GPC6: variants seen among roughly 807,000 people sequenced by gnomAD.
GPC6 encodes the protein glypican-6.
GPC6 carries 14 observed loss-of-function variants against 55.2 expected under a neutral mutation model. The ratio of observed to expected loss-of-function variants is 0.25; its 90% confidence interval spans 0.17 to 0.40. GPC6 has a LOEUF of 0.40. GPC6 is among the 10% of genes least tolerant of loss of function. The pLI is 1.00. For synonymous variants in GPC6, 278 were observed against 259.6 expected, an observed-to-expected ratio of 1.07 and a Z score of -0.68; for missense variants, 641 against 708.5, an observed-to-expected ratio of 0.90 and a Z score of 1.08.
At chr13:93,440,959 C>T (rs1263451776) in intron 1 of GPC6, among the ~76,000 whole-genome samples, 1 of 151,882 alleles carries the variant, frequency 6.6e-6, no homozygotes, top group Non-Finnish European at 1.5e-5. Flanking sequence ...GTTTTTTGTC[C>T]TTGTGATAGT....
chr13:93,670,346 G>A (rs1566478294), intron 2 of GPC6, among the ~76,000 whole-genome samples: 2 of 152,166 alleles, frequency 1.3e-5, no homozygotes, highest in Non-Finnish European at 2.9e-5. Context: ...AGTTAGCTTG[G>A]CACAGGTTCT....
intron 1 of GPC6, among the ~76,000 whole-genome samples, chr13:93,443,656 G>A (rs1460496105): frequency 6.6e-6 from 1 of 152,184 alleles, no homozygotes; most frequent in African/African-American, 2.4e-5. Flanking sequence ...GATTGTAAAA[G>A]ATCAAGGATA....
intron 1 of GPC6, among the ~76,000 whole-genome samples, chr13:93,508,120 A>G (rs1458933793): frequency 6.6e-6 from 1 of 152,234 alleles, no homozygotes; most frequent in Non-Finnish European, 1.5e-5. Context: ...AAATATTATA[A>G]GGAAAACTAA....
chr13:93,390,871 A>T (rs957516638), intron 1 of GPC6, among the ~76,000 whole-genome samples: 2 of 151,502 alleles, frequency 1.3e-5, no homozygotes, highest in Non-Finnish European at 2.9e-5. Flanking sequence ...TTACCTTCAC[A>T]GCCACTCAGG....
At chr13:93,764,019 T>G (rs1418650968) in intron 2 of GPC6, among the ~76,000 whole-genome samples, 1 of 152,112 alleles carries the variant, frequency 6.6e-6, no homozygotes, top group African/African-American at 2.4e-5. Context: ...TCGGATCTAC[T>G]GATTCCTTTT....
At chr13:94,029,963 G>T (rs1451244643) in intron 4 of GPC6, among the ~76,000 whole-genome samples, 2 of 151,496 alleles carry the variant, frequency 1.3e-5, no homozygotes, top group African/African-American at 2.4e-5. Flanking sequence ...AAGCGTGGTG[G>T]TTCGTCCTAT....
At chr13:93,746,945 A>C (rs1884418573) in intron 2 of GPC6, among the ~76,000 whole-genome samples, 1 of 152,240 alleles carries the variant, frequency 6.6e-6, no homozygotes. Flanking sequence ...CAGGATTTGC[A>C]AGAAAATTTT....
intron 2 of GPC6, among the ~76,000 whole-genome samples, chr13:93,691,686 T>C (rs1882262113): frequency 6.6e-6 from 1 of 152,108 alleles, no homozygotes; most frequent in Non-Finnish European, 1.5e-5. Context: ...CTCTTGGTTT[T>C]ATTTATATAA....
chr13:93,424,717 G>A (rs147322342), intron 1 of GPC6, among the ~76,000 whole-genome samples: 415 of 152,204 alleles, frequency 2.7e-3, no homozygotes, highest in African/African-American at 9.4e-3. Context: ...AAAAAAATGT[G>A]TGAGAGAGAG....
chr13:94,357,118 G>A (rs1318359262), intron 6 of GPC6, among the ~76,000 whole-genome samples: 1 of 152,068 alleles, frequency 6.6e-6, no homozygotes, highest in Non-Finnish European at 1.5e-5. Flanking sequence ...ACCCTTCAAT[G>A]ATTCTCCAGA....
At chr13:93,947,567 T>C (rs1395696057) in intron 3 of GPC6, among the ~76,000 whole-genome samples, 3 of 152,180 alleles carry the variant, frequency 2.0e-5, no homozygotes, top group Admixed American at 2.0e-4. Context: ...TTCAGGCAAC[T>C]GAATTGAATG....
intron 1 of GPC6, among the ~76,000 whole-genome samples, chr13:93,441,519 C>T (rs1180540810): frequency 6.6e-6 from 1 of 152,152 alleles, no homozygotes; most frequent in Non-Finnish European, 1.5e-5. Flanking sequence ...TCATATCCTT[C>T]ACCTACTTTT....
intron 2 of GPC6, among the ~76,000 whole-genome samples, chr13:93,694,377 C>A (rs182549486): frequency 9.9e-4 from 150 of 152,202 alleles, no homozygotes; most frequent in Admixed American, 8.9e-3. Flanking sequence ...TAGTTCATTG[C>A]CTATTTCAAA....
rs183279849 is a variant in GPC6 at position 93,930,486 on chromosome 13, G to A, written c.712-97243G>A. Among the ~76,000 whole-genome samples, 11 of 151,998 alleles carry A rather than the reference G, an allele frequency of 7.2e-5. No individual in the cohort carries two copies. The East Asian group carries it at 1.9e-3, about 27-fold the overall frequency. On this transcript the variant is annotated intron_variant, in intron 3 of 8. Coordinates refer to ENST00000377047, the MANE Select transcript of GPC6 (RefSeq NM_005708.5). ...GGGTTTCACCATGTTGGCCAGGCTG[G>A]TCTCAAACTCCTGACCTCAAGTGAT... is the stretch of plus-strand genomic sequence containing the variant.
At chr13:93,314,942 T>C (rs9516216) in intron 1 of GPC6, among the ~76,000 whole-genome samples, 92,391 of 151,926 alleles carry the variant, frequency 0.61, 28,427 homozygotes, top group East Asian at 0.77. Flanking sequence ...CTGAAGTTGA[T>C]GAGAACCCAG....
intron 3 of GPC6, among the ~76,000 whole-genome samples, chr13:94,007,597 T>C (rs1212269267): frequency 6.6e-6 from 1 of 152,206 alleles, no homozygotes; most frequent in Non-Finnish European, 1.5e-5. Context: ...TATGTGTTGT[T>C]TGGTCTTTGT....
intron 4 of GPC6, among the ~76,000 whole-genome samples, chr13:94,232,192 A>C (rs546734486): frequency 1.3e-5 from 2 of 152,360 alleles, no homozygotes; most frequent in East Asian, 1.9e-4. Flanking sequence ...ATTCCTAAAA[A>C]GTATTCCTTT....
At chr13:94,002,651 T>G (rs1881855906) in intron 3 of GPC6, among the ~76,000 whole-genome samples, 1 of 152,170 alleles carries the variant, frequency 6.6e-6, no homozygotes, top group South Asian at 2.1e-4. Context: ...GAATCCTGAA[T>G]TATGTTGACA....
intron 1 of GPC6, among the ~76,000 whole-genome samples, chr13:93,302,864 GCAGA>G (rs963264155): frequency 1.3e-5 from 2 of 152,186 alleles, no homozygotes; most frequent in African/African-American, 4.8e-5. Flanking sequence ...AAATCCCTGA[GCAGA>G]CAAAGCCAGC....
Sources: allele counts gnomAD v4.1 joint callset (sites outside exome capture counted in the v4.1 genomes callset), GRCh38; gene constraint gnomAD v4.1.1; transcripts MANE v1.5; gene names NCBI Gene and HGNC (gene_info 2026-07-23, HGNC 2026-07-21).